MSRA: variants seen among roughly 807,000 people sequenced by gnomAD.
MSRA encodes mitochondrial peptide methionine sulfoxide reductase.
Under a neutral mutation model 31.3 loss-of-function variants are expected in MSRA, and 54 were observed. The observed-to-expected ratio is 1.73, with a 90% CI of 1.39 to 2.17. MSRA has a LOEUF of 2.17. Among genes scored for constraint, MSRA ranks in the 30% most tolerant of loss-of-function variants. The probability of loss-of-function intolerance (pLI) is 0.00; values close to 1 mark genes in which losing one functional copy is unlikely to be tolerated. For synonymous variants in MSRA, 169 were observed against 116.5 expected (o/e 1.45, Z -2.90); for missense variants, 507 against 300.9 (o/e 1.69, Z -5.07).
chr8:10,215,313 C>T (rs544844504), intron 2 of MSRA, among the ~76,000 whole-genome samples: 43 of 152,238 alleles, frequency 2.8e-4, no homozygotes, highest in East Asian at 9.7e-4. Context: ...AAGTTTCTTC[C>T]GCCTTCTTAA....
At chr8:10,295,715 C>T (rs1800501540) in intron 3 of MSRA, among the ~76,000 whole-genome samples, 1 of 152,152 alleles carries the variant, frequency 6.6e-6, no homozygotes, top group South Asian at 2.1e-4. Context: ...ACTTGGCACC[C>T]CCTGGAGAGG....
At chr8:10,285,113 A>C (rs1274860274) in intron 3 of MSRA, among the ~76,000 whole-genome samples, 1 of 151,768 alleles carries the variant, frequency 6.6e-6, no homozygotes, top group Non-Finnish European at 1.5e-5. Context: ...TATGGAGCCC[A>C]TTCCCTTCGT....
At chr8:10,284,283 G>A (rs544310261) in intron 3 of MSRA, among the ~76,000 whole-genome samples, 1 of 152,092 alleles carries the variant, frequency 6.6e-6, no homozygotes, top group Non-Finnish European at 1.5e-5. Flanking sequence ...CCACCTCCCA[G>A]GTTCAAGCAA....
intron 1 of MSRA, among the ~76,000 whole-genome samples, chr8:10,094,624 G>T (rs1185364682): frequency 1.3e-5 from 2 of 152,086 alleles, no homozygotes; most frequent in Non-Finnish European, 2.9e-5. Flanking sequence ...CACTTTTCTG[G>T]GTTCTTTCTA....
chr8:10,214,353 C>T (rs764348223), intron 2 of MSRA, among the ~76,000 whole-genome samples: 13 of 152,100 alleles, frequency 8.5e-5, no homozygotes, highest in Non-Finnish European at 1.6e-4. Context: ...GAACCAATCA[C>T]AAGAAATCGT....
chr8:10,054,653 T>G lies in MSRA; in HGVS notation c.137T>G (p.Val46Gly). ...CCGGGCCGGAAGGAACAGACCCCTG[T>G]AGCGGGTAAGCACTGGCCACACGGA... ...ALPGRKEQTP[V>G]AAKHHVNGNR... is the part of the protein sequence containing the mutation. The change falls in exon 1 of 6, where the codon GTA (valine) becomes GGA (glycine). Residue 46 changes from valine (V) to glycine (G), a missense_variant. By Grantham distance (109) the Val-to-Gly change is moderately radical (BLOSUM62 -3). Coordinates refer to ENST00000317173, the MANE Select transcript of MSRA (RefSeq NM_012331.5). 1.3e-6 allele frequency: 2 copies of G among 1,563,404 alleles called. No homozygotes were observed. The highest frequency in any genetic ancestry group is 1.2e-5 in the South Asian group (1 of 86,506).
intron 5 of MSRA, among the ~76,000 whole-genome samples, chr8:10,398,213 C>T (rs1807223076): frequency 6.6e-6 from 1 of 152,160 alleles, no homozygotes; most frequent in Non-Finnish European, 1.5e-5. Flanking sequence ...CCAGGGATTC[C>T]TCTTAGAAAA....
chr8:10,060,661 T>C (rs1563384413), intron 1 of MSRA, among the ~76,000 whole-genome samples: 1 of 151,940 alleles, frequency 6.6e-6, no homozygotes, highest in Non-Finnish European at 1.5e-5. Context: ...TCAATTTTGC[T>C]CTTTCTTGTC....
chr8:10,306,105 C>T (rs1165725878), intron 4 of MSRA, among the ~76,000 whole-genome samples: 1 of 152,102 alleles, frequency 6.6e-6, no homozygotes, highest in South Asian at 2.1e-4. Flanking sequence ...TACCCAGACT[C>T]CCACTGTCTC....
intron 5 of MSRA, among the ~76,000 whole-genome samples, chr8:10,405,626 A>C (rs1807757486): frequency 6.6e-6 from 1 of 152,188 alleles, no homozygotes; most frequent in African/African-American, 2.4e-5. Flanking sequence ...CTGGATGCTG[A>C]TCAGAGTGCC....
intron 1 of MSRA, among the ~76,000 whole-genome samples, chr8:10,129,553 G>A (rs1801747893): frequency 6.6e-6 from 1 of 152,072 alleles, no homozygotes; most frequent in South Asian, 2.1e-4. Context: ...GGACCTTGAG[G>A]AAGAGAAGGG....
chr8:10,107,262 G>A (rs1455064418), intron 1 of MSRA, among the ~76,000 whole-genome samples: 1 of 151,698 alleles, frequency 6.6e-6, no homozygotes, highest in African/African-American at 2.4e-5. Context: ...AGAGTTTCAT[G>A]AGTGTTTTTT....
chr8:10,402,319 C>T (rs920824707), intron 5 of MSRA, among the ~76,000 whole-genome samples: 1 of 152,248 alleles, frequency 6.6e-6, no homozygotes, highest in East Asian at 1.9e-4. Flanking sequence ...TATTCCAGCT[C>T]CTGCCTGGGC....
At chr8:10,291,907 G>T (rs1054314918) in intron 3 of MSRA, among the ~76,000 whole-genome samples, 1 of 152,118 alleles carries the variant, frequency 6.6e-6, no homozygotes. Context: ...CGGACTCTAG[G>T]CAGTTCCCGT....
At chr8:10,419,090 C>G (rs114719028) in intron 5 of MSRA, among the ~76,000 whole-genome samples, 4,634 of 152,248 alleles carry the variant, frequency 0.03, 149 homozygotes, top group Middle Eastern at 0.11. Flanking sequence ...ACGCATGTGC[C>G]CACAGGTTCA....
intron 1 of MSRA, among the ~76,000 whole-genome samples, chr8:10,193,305 T>C (rs994296829): frequency 4.3e-4 from 66 of 152,346 alleles, no homozygotes; most frequent in Admixed American, 1.4e-3. Context: ...TGGAGGCCTA[T>C]GGCCTTCCCG....
intron 1 of MSRA, among the ~76,000 whole-genome samples, chr8:10,124,948 C>T (rs760844581): frequency 6.6e-6 from 1 of 152,160 alleles, no homozygotes; most frequent in South Asian, 2.1e-4. Flanking sequence ...TGGAATATAA[C>T]TCACTGTATG....
intron 3 of MSRA, among the ~76,000 whole-genome samples, chr8:10,287,931 G>T (rs1249512019): frequency 2.0e-5 from 3 of 152,028 alleles, no homozygotes; most frequent in Admixed American, 6.6e-5. Flanking sequence ...TTGTTTCTCT[G>T]CCCTCCTAGA....
intron 2 of MSRA, among the ~76,000 whole-genome samples, chr8:10,217,549 T>A (rs903172993): frequency 8.5e-5 from 13 of 152,216 alleles, no homozygotes; most frequent in Admixed American, 2.0e-4. Context: ...GTGAAAGATT[T>A]CAAACAAAAA....
Sources: allele counts gnomAD v4.1 joint callset (sites outside exome capture counted in the v4.1 genomes callset), GRCh38; gene constraint gnomAD v4.1.1; transcripts MANE v1.5; gene names NCBI Gene and HGNC (gene_info 2026-07-23, HGNC 2026-07-21).